The following GABBR2 variants were observed in gnomAD, a reference collection of about 807,000 sequenced individuals.
GABBR2 encodes gamma-aminobutyric acid type B receptor subunit 2.
A neutral mutation model predicts 105.6 loss-of-function variants in GABBR2; 23 were observed. The ratio of observed to expected loss-of-function variants is 0.22; its 90% CI spans 0.16 to 0.31. The LOEUF (loss-of-function observed/expected upper bound fraction) is 0.31. Ranked by LOEUF, GABBR2 falls within the 10% of genes least tolerant of loss-of-function variation. The pLI, the probability that GABBR2 is intolerant of heterozygous loss-of-function variation, is 1.00. For missense variants in GABBR2, 734 were observed against 1,245.5 expected, an observed-to-expected ratio of 0.59 and a Z score of 6.18; for synonymous variants, 478 against 499.7, an observed-to-expected ratio of 0.96 and a Z score of 0.58.
At chr9:98,361,457 C>T (rs1289109806) in intron 13 of GABBR2, among the ~76,000 whole-genome samples, 1 of 152,214 alleles carries the variant, frequency 6.6e-6, no homozygotes, top group Admixed American at 6.5e-5. Flanking sequence ...ATAGCTCTTC[C>T]TGGTGTTGAC....
At chr9:98,353,031 G>C (rs1831426953) in intron 13 of GABBR2, among the ~76,000 whole-genome samples, 1 of 152,088 alleles carries the variant, frequency 6.6e-6, no homozygotes, top group Admixed American at 6.5e-5. Flanking sequence ...GGGACCCAGA[G>C]TGAAATCCTC....
intron 1 of GABBR2, among the ~76,000 whole-genome samples, chr9:98,598,605 G>A (rs1401702502): frequency 2.9e-5 from 4 of 139,464 alleles, no homozygotes; most frequent in Middle Eastern, 3.7e-3. Flanking sequence ...CCCCAAACGT[G>A]CGTAACCAGT....
At chr9:98,328,022 C>T (rs1412324284) in intron 13 of GABBR2, among the ~76,000 whole-genome samples, 2 of 88,666 alleles carry the variant, frequency 2.3e-5, no homozygotes, top group African/African-American at 3.9e-5. Context: ...TATTTTGGGA[C>T]AGCTAATGGG....
At chr9:98,510,345 G>A (rs937253942) in intron 3 of GABBR2, among the ~76,000 whole-genome samples, 3 of 152,142 alleles carry the variant, frequency 2.0e-5, no homozygotes, top group African/African-American at 7.2e-5. Flanking sequence ...ATCAAGGCTA[G>A]GAAGAAACTG....
At chr9:98,393,942 A>G (rs113054765) in intron 9 of GABBR2, among the ~76,000 whole-genome samples, 222 of 152,326 alleles carry the variant, frequency 1.5e-3, no homozygotes, top group African/African-American at 5.0e-3. Context: ...TGGCCATCCA[A>G]TGGTTTAAAC....
chr9:98,461,803 C>T (rs1013120382), intron 6 of GABBR2, among the ~76,000 whole-genome samples: 2 of 152,194 alleles, frequency 1.3e-5, no homozygotes, highest in African/African-American at 4.8e-5. Flanking sequence ...CCTCAGGAAG[C>T]TTTCAATCAT....
intron 3 of GABBR2, among the ~76,000 whole-genome samples, chr9:98,535,246 C>T (rs796562786): frequency 5.9e-5 from 9 of 151,894 alleles, no homozygotes; most frequent in South Asian, 2.1e-4. Context: ...TACAGGCGCC[C>T]GCTACCATGC....
chr9:98,439,888 C>A (rs1336818), intron 7 of GABBR2, among the ~76,000 whole-genome samples: 8 of 152,368 alleles, frequency 5.3e-5, no homozygotes, highest in South Asian at 2.1e-4. Flanking sequence ...CTCTTTAATC[C>A]TCACAGCCCT....
intron 7 of GABBR2, among the ~76,000 whole-genome samples, chr9:98,445,857 A>G (rs1443432296): frequency 6.6e-6 from 1 of 152,236 alleles, no homozygotes; most frequent in Non-Finnish European, 1.5e-5. Flanking sequence ...AGCTCAGGAG[A>G]TCTGGGTGGG....
At chr9:98,584,153 A>G (rs1829038786) in intron 1 of GABBR2, among the ~76,000 whole-genome samples, 1 of 151,440 alleles carries the variant, frequency 6.6e-6, no homozygotes, top group Non-Finnish European at 1.5e-5. Flanking sequence ...CCCCCACCGG[A>G]AACCCCACTC....
chr9:98,464,669 G>A (rs534296880), intron 6 of GABBR2, among the ~76,000 whole-genome samples: 8 of 151,956 alleles, frequency 5.3e-5, no homozygotes, highest in Non-Finnish European at 7.4e-5. Context: ...CAGTTTTGTC[G>A]AAAAGAAAAG....
chr9:98,657,404 AAC>A (rs1239100006), intron 1 of GABBR2, among the ~76,000 whole-genome samples: 1 of 152,242 alleles, frequency 6.6e-6, no homozygotes, highest in African/African-American at 2.4e-5. Flanking sequence ...AGCAGGCGTT[AAC>A]ACACAGTGTG....
At chr9:98,503,591 C>T (rs1199532662) in intron 3 of GABBR2, among the ~76,000 whole-genome samples, 3 of 152,070 alleles carry the variant, frequency 2.0e-5, no homozygotes, top group Admixed American at 1.3e-4. Flanking sequence ...AAGAAGTGAT[C>T]GGCTTGGGGG....
intron 3 of GABBR2, among the ~76,000 whole-genome samples, chr9:98,533,340 A>T (rs1029421424): frequency 3.3e-5 from 5 of 152,008 alleles, no homozygotes; most frequent in Non-Finnish European, 7.4e-5. Flanking sequence ...GCTCTTCCAG[A>T]TGGCCCGGGT....
intron 2 of GABBR2, among the ~76,000 whole-genome samples, chr9:98,571,101 G>A (rs1828823448): frequency 6.6e-6 from 1 of 152,222 alleles, no homozygotes; most frequent in African/African-American, 2.4e-5. Context: ...GGAGGGATGT[G>A]CAGGTCAGGT....
Position 98,395,928 on chromosome 9 carries a change from T to C in GABBR2, c.1298-1673A>G, listed in dbSNP as rs541235803. Among the ~76,000 whole-genome samples, 22 of 152,230 alleles carry C rather than the reference T, an allele frequency of 1.4e-4. No individual in the cohort carries two copies. In the South Asian group the frequency reaches 4.4e-3, roughly 30 times the overall value. On this transcript the variant is annotated intron_variant, in intron 8 of 18. Coordinates refer to ENST00000259455, the MANE Select transcript of GABBR2 (RefSeq NM_005458.8). Reference sequence around the variant, plus strand: ...AGTGTGCTGGATCAGTGCTATTTTATGTACATTTTCTTGCCTAGCTAAAAC... The same window carrying C: ...AGTGTGCTGGATCAGTGCTATTTTACGTACATTTTCTTGCCTAGCTAAAAC...
chr9:98,391,049 C>T (rs921510926), intron 9 of GABBR2, among the ~76,000 whole-genome samples: 2 of 152,126 alleles, frequency 1.3e-5, no homozygotes, highest in Non-Finnish European at 2.9e-5. Flanking sequence ...ATTCATTATT[C>T]ATCCATTCAT....
chr9:98,627,436 C>T (rs1433100511), intron 1 of GABBR2, among the ~76,000 whole-genome samples: 4 of 152,162 alleles, frequency 2.6e-5, no homozygotes, highest in African/African-American at 9.7e-5. Flanking sequence ...CAAGCTATTC[C>T]CCAGCCTCTT....
At chr9:98,586,297 T>C (rs941201509) in intron 1 of GABBR2, among the ~76,000 whole-genome samples, 2 of 150,326 alleles carry the variant, frequency 1.3e-5, no homozygotes, top group Admixed American at 6.6e-5. Context: ...TTTTTTTTTT[T>C]TTTTTGTTTG....
Sources: gnomAD v4.1 joint callset for allele counts (sites outside exome capture counted in the v4.1 genomes callset) on GRCh38, gnomAD v4.1.1 for gene constraint, MANE v1.5 for transcripts, NCBI Gene and HGNC (gene_info 2026-07-23, HGNC 2026-07-21) for gene names.